The following WDR33 variants were observed in gnomAD, a reference collection of about 807,000 sequenced individuals.
The protein encoded by WDR33 is WD repeat domain 33, also known as pre-mRNA 3' end processing protein WDR33.
Under a neutral mutation model 164.9 loss-of-function variants are expected in WDR33, and 47 were observed. That is an observed-to-expected ratio of 0.29 (90% CI 0.23 to 0.36). The LOEUF is 0.36. Among genes scored for constraint, WDR33 ranks in the 10% least tolerant of loss-of-function variants. WDR33 has a pLI of 1.00. For missense variants in WDR33, 1,137 were observed against 1,754.1 expected, an observed-to-expected ratio of 0.65 and a Z score of 6.28; for synonymous variants, 505 against 589.0, an observed-to-expected ratio of 0.86 and a Z score of 2.06.
rs547597521 is a variant in WDR33 at position 127,753,844 on chromosome 2, A to G, written c.724+9218T>C. Among the ~76,000 whole-genome samples, 72 of 152,340 alleles carry G rather than the reference A, an allele frequency of 4.7e-4. 1 individual carries two copies. Among genetic ancestry groups the G allele is most frequent in the Admixed American group, 1.1e-3 (17 of 15,290 alleles). ...GAGGAAGGTGAGATAAAAACCACAA[A>G]AATCACAAAATGTAAAGAACAGTAA... On this transcript the variant is annotated intron_variant, in intron 7 of 21. Coordinates refer to ENST00000322313, the MANE Select transcript of WDR33 (RefSeq NM_018383.5).
At chr2:127,795,186 T>C (rs151281808) in intron 1 of WDR33, among the ~76,000 whole-genome samples, 4,260 of 148,970 alleles carry the variant, frequency 0.029, 215 homozygotes, top group African/African-American at 0.095. Context: ...CTGCAACCTC[T>C]GCCTCTCGGG....
At position 127,739,342 on chromosome 2, in the gene WDR33, T is replaced by A. The variant is rs995259159; in HGVS notation, c.725-12565A>T. On this transcript the variant is annotated intron_variant, in intron 7 of 21. Coordinates refer to ENST00000322313, the MANE Select transcript of WDR33 (RefSeq NM_018383.5). ...ATTTCCACTTACAGTCGACTATGATTTCCCCCCCGTAAGAAGAGAATAACC... is the reference window on the plus strand; with the variant it reads ...ATTTCCACTTACAGTCGACTATGATATCCCCCCCGTAAGAAGAGAATAACC... 2.6e-5 allele frequency among the ~76,000 whole-genome samples: 4 copies of A among 151,882 alleles called. No individual in the cohort carries two copies. In the East Asian group the frequency reaches 5.8e-4, roughly 22 times the overall value.
chr2:127,739,182 A>AT (rs1216071983), intron 7 of WDR33, among the ~76,000 whole-genome samples: 1 of 152,238 alleles, frequency 6.6e-6, no homozygotes, highest in Non-Finnish European at 1.5e-5. Flanking sequence ...GAATGAGGAA[A>AT]TGATGAGAGA....
intron 1 of WDR33, among the ~76,000 whole-genome samples, chr2:127,791,154 T>TC (rs1455748728): frequency 0.014 from 1,080 of 76,620 alleles, no homozygotes; most frequent in Non-Finnish European, 0.021. Context: ...CCAAACTCTT[T>TC]CCCCACCCCA....
chr2:127,720,533 T>A lies in WDR33; in HGVS notation c.1672-180A>T, dbSNP rs1162641009. On this transcript the variant is annotated intron_variant, in intron 15 of 21. Transcript: ENST00000322313. This position sits in a 1 kb window ranked among gnomAD's most constrained non-coding sequence, Gnocchi z 5.9. ...TCAAGCACTGTAAGGAGTTTTAGGTTCTTTCTCATTCTTTTTAAGTCCTGG... is the reference window on the plus strand; with the variant it reads ...TCAAGCACTGTAAGGAGTTTTAGGTACTTTCTCATTCTTTTTAAGTCCTGG... Among the ~76,000 whole-genome samples the A allele has an allele frequency of 6.6e-6, 1 of 152,136 alleles. No homozygotes were observed. Among genetic ancestry groups the A allele is most frequent in the African/African-American group, 2.4e-5 (1 of 41,424 alleles).
chr2:127,702,234 G>A lies in WDR33; in HGVS notation c.*4089C>T, dbSNP rs1685910320. 9.3e-6 allele frequency: 11 copies of A among 1,188,048 alleles called. No individual in the cohort carries two copies. In the South Asian group the frequency reaches 3.4e-4, roughly 36 times the overall value. The allele number at this position is 1,188,048 out of a possible 1,614,324, so 73.6% of individuals were successfully genotyped here. On this transcript the variant is annotated 3_prime_UTR_variant, in exon 22 of 22. Coordinates refer to ENST00000322313, the MANE Select transcript of WDR33 (RefSeq NM_018383.5). ...CGGAGCCAGCGCCGTCGGAGACCGC[G>A]CCGGCCGAGCTGAGGACTGCACGCC...
chr2:127,737,373 G>GT, intron 7 of WDR33: 2 of 985,484 alleles, frequency 2.0e-6, no homozygotes, highest in Non-Finnish European at 2.4e-6. Flanking sequence ...ATGTGTGTGT[G>GT]TATGTTCGGG....
chr2:127,781,842 T>C (rs1205089099), intron 1 of WDR33, among the ~76,000 whole-genome samples: 2 of 151,584 alleles, frequency 1.3e-5, no homozygotes, highest in East Asian at 3.9e-4. Flanking sequence ...CTACTAAAAA[T>C]ACAAAATTAA....
Position 127,702,298 on chromosome 2 carries a change from G to C in WDR33, c.*4025C>G. The C allele has an allele frequency of 9.9e-7, 1 of 1,013,144 alleles. No individual in the cohort carries two copies. Among genetic ancestry groups the C allele is most frequent in the Non-Finnish European group, 1.2e-6 (1 of 800,676 alleles). 62.8% of individuals were successfully genotyped at this position (1,013,144 alleles called of 1,614,324 possible). A position where few individuals can be genotyped will look rare whatever the true frequency, so the allele number is the denominator to read the frequency against. On this transcript the variant is annotated 3_prime_UTR_variant, in exon 22 of 22. Coordinates refer to ENST00000322313, the MANE Select transcript of WDR33 (RefSeq NM_018383.5). ...CCGTGGCGAAGGCCCTGCCCTAACA[G>C]CCTGCGAGTCTAATCCGGGAGCGGC...
At position 127,721,726 on chromosome 2, in the gene WDR33, T is replaced by C. The variant is rs566617129; in HGVS notation, c.1671+110A>G. 3.6e-4 allele frequency: 423 copies of C among 1,168,046 alleles called. No homozygotes were observed. The highest frequency in any genetic ancestry group is 1.9e-3 in the African/African-American group (118 of 63,092). 72.4% of individuals were successfully genotyped at this position (1,168,046 alleles called of 1,614,324 possible). On this transcript the variant is annotated intron_variant, in intron 15 of 21. Transcript: ENST00000322313. This position sits in a 1 kb window ranked among gnomAD's most constrained non-coding sequence, Gnocchi z 4.9. ...CATAGCAACAGGAAATGGCGGTGTT[T>C]GTCAGACCATGGGAGAGCCCCTTCC...
chr2:127,735,314 AC>A lies in WDR33; in HGVS notation c.725-8538del, dbSNP rs1686812955. 2.3e-5 allele frequency: 21 copies of A among 926,622 alleles called. No homozygotes were observed. Among genetic ancestry groups the A allele is most frequent in the Non-Finnish European group, 2.7e-5 (21 of 776,490 alleles). The allele number at this position is 926,622 out of a possible 1,614,324, so 57.4% of individuals were successfully genotyped here. A position where few individuals can be genotyped will look rare whatever the true frequency, so the allele number is the denominator to read the frequency against. ...CTCATCAGATCCTAAGGAACCTGTT[AC>A]CCCAAGCCCCTAAATAACCTGTCTT... On this transcript the variant is annotated intron_variant, in intron 7 of 21. Transcript: ENST00000322313. The surrounding 1 kb of genome is among the most constrained non-coding windows in gnomAD (Gnocchi z 4.3).
Position 127,706,055 on chromosome 2 carries a change from TAAAAAAAA to T in WDR33, c.*260_*267del. 3 of 377,066 alleles carry T rather than the reference TAAAAAAAA, an allele frequency of 8.0e-6. No homozygotes were observed. In the East Asian group the frequency reaches 1.1e-4, roughly 14 times the overall value. The allele number at this position is 377,066 out of a possible 1,614,324, so 23.4% of individuals were successfully genotyped here. ...GAGATGCCCCATGTCTTGTGAGACT[TAAAAAAAA>T]GAAAAAGATCCCAGCTTTTATCTTC... On this transcript the variant is annotated 3_prime_UTR_variant, in exon 22 of 22. Transcript: ENST00000322313. This position sits in a 1 kb window ranked among gnomAD's most constrained non-coding sequence, Gnocchi z 5.1.
rs1468352341 is a variant in WDR33 at position 127,709,320 on chromosome 2, G to A, written c.3565+170C>T. Among the ~76,000 whole-genome samples the A allele has an allele frequency of 6.6e-6, 1 of 152,192 alleles. No individual in the cohort carries two copies. The highest frequency in any genetic ancestry group is 1.9e-4 in the East Asian group (1 of 5,192). On this transcript the variant is annotated intron_variant, in intron 20 of 21. Transcript: ENST00000322313. This position sits in a 1 kb window ranked among gnomAD's most constrained non-coding sequence, Gnocchi z 5.0. ...AATGTCTGGCGGATTCCTCTGCTCTGCATTCCACCTGCTGAGATCAAGTGC... is the reference window on the plus strand; with the variant it reads ...AATGTCTGGCGGATTCCTCTGCTCTACATTCCACCTGCTGAGATCAAGTGC...
At position 127,703,979 on chromosome 2, in the gene WDR33, G is replaced by C. The variant is rs1197102679; in HGVS notation, c.*2344C>G. ...CAGAAAATCTTCAAAAAATTTGCCAGATATGGTGGCACACAACTGTGATCC... is the reference window on the plus strand; with the variant it reads ...CAGAAAATCTTCAAAAAATTTGCCACATATGGTGGCACACAACTGTGATCC... On this transcript the variant is annotated 3_prime_UTR_variant, in exon 22 of 22. Transcript: ENST00000322313. 1 of 166,702 alleles carries C rather than the reference G, an allele frequency of 6.0e-6. No homozygotes were observed. The highest frequency in any genetic ancestry group is 1.5e-5 in the Non-Finnish European group (1 of 68,098). 10.3% of individuals were successfully genotyped at this position (166,702 alleles called of 1,614,324 possible).
In WDR33 at chr2:127,763,295, A is replaced by C. The variant is rs1391251206; in HGVS notation, c.627-136T>G. On this transcript the variant is annotated intron_variant, in intron 6 of 21. Transcript: ENST00000322313. This position sits in a 1 kb window ranked among gnomAD's most constrained non-coding sequence, Gnocchi z 4.5. Reference sequence around the variant, plus strand: ...GGAAGAATCCAGTGAAGAAGCCCTTAAAGTGAATGTCGTCAGCTAACATAG... The same window carrying C: ...GGAAGAATCCAGTGAAGAAGCCCTTCAAGTGAATGTCGTCAGCTAACATAG... 6 of 1,479,818 alleles carry C rather than the reference A, an allele frequency of 4.1e-6. No homozygotes were observed. The highest frequency in any genetic ancestry group is 5.4e-6 in the Non-Finnish European group (6 of 1,115,588). The allele number at this position is 1,479,818 out of a possible 1,614,324, so 91.7% of individuals were successfully genotyped here.
At chr2:127,778,720 A>G (rs1558951270) in intron 1 of WDR33, among the ~76,000 whole-genome samples, 1 of 152,326 alleles carries the variant, frequency 6.6e-6, no homozygotes, top group East Asian at 1.9e-4. Context: ...TGAGGGAGGC[A>G]AGGGCAGGGG....
intron 7 of WDR33, chr2:127,737,917 T>A (rs1686897542): frequency 6.5e-7 from 1 of 1,549,506 alleles, no homozygotes. Flanking sequence ...CAACTGTAAT[T>A]TGAATCTATG....
rs1451152610 is a variant in WDR33, at chr2:127,703,600, C to T, written c.*2723G>A. On this transcript the variant is annotated 3_prime_UTR_variant, in exon 22 of 22. Coordinates refer to ENST00000322313, the MANE Select transcript of WDR33 (RefSeq NM_018383.5). ...TTGGTAAAGAACACTGCCTTGTTCC[C>T]CATCAGTAAACAAGGTTACCTACCT... The T allele has an allele frequency of 6.0e-6, 1 of 167,036 alleles. No individual in the cohort carries two copies. Among genetic ancestry groups the T allele is most frequent in the African/African-American group, 2.4e-5 (1 of 41,428 alleles). The allele number at this position is 167,036 out of a possible 1,614,324, so 10.3% of individuals were successfully genotyped here.
Position 127,713,525 on chromosome 2 carries a change from G to A in WDR33, c.3308+58C>T. The stretch of plus-strand genomic sequence containing the variant: ...AAAAGAAGAAAGAGACCTTTGTGGA[G>A]ACAGCAGATAAAAAGCTCCACTGAA... On this transcript the variant is annotated intron_variant, in intron 18 of 21. Transcript: ENST00000322313. The surrounding 1 kb of genome is among the most constrained non-coding windows in gnomAD (Gnocchi z 6.2). The A allele has an allele frequency of 1.3e-6, 2 of 1,566,142 alleles. No individual in the cohort carries two copies. The highest frequency in any genetic ancestry group is 1.2e-5 in the South Asian group (1 of 86,952).
Sources: gnomAD v4.1 joint callset for allele counts (sites outside exome capture counted in the v4.1 genomes callset) on GRCh38, gnomAD v4.1.1 for gene constraint, Gnocchi (gnomAD v3.1) non-coding constraint, MANE v1.5 for transcripts, NCBI Gene and HGNC (gene_info 2026-07-23, HGNC 2026-07-21) for gene names.